POU6F2: variants seen among roughly 807,000 people sequenced by gnomAD.
The protein encoded by POU6F2 is POU class 6 homeobox 2, also known as POU domain, class 6, transcription factor 2.
In POU6F2, 31 loss-of-function variants were observed where a neutral mutation model predicts 71.3. That is an observed-to-expected ratio of 0.43 (90% CI 0.33 to 0.59). The LOEUF is 0.59. Ranked by LOEUF, POU6F2 falls within the 20% of genes least tolerant of loss-of-function variation. POU6F2 has a pLI of 0.04. For synonymous variants in POU6F2, 347 were observed against 355.7 expected, an observed-to-expected ratio of 0.98 and a Z score of 0.27; for missense variants, 783 against 856.8, an observed-to-expected ratio of 0.91 and a Z score of 1.07.
chr7:39,109,944 C>A (rs1272285915), intron 2 of POU6F2, among the ~76,000 whole-genome samples: 1 of 152,126 alleles, frequency 6.6e-6, no homozygotes, highest in Non-Finnish European at 1.5e-5. Context: ...ATTTTGTGAG[C>A]TAATTGTTAA....
chr7:39,311,812 G>A (rs1785171587), intron 4 of POU6F2, among the ~76,000 whole-genome samples: 1 of 152,082 alleles, frequency 6.6e-6, no homozygotes, highest in Non-Finnish European at 1.5e-5. Flanking sequence ...TATCCTGAAA[G>A]TTTTTAAAAA....
chr7:39,171,007 C>T, intron 2 of POU6F2, among the ~76,000 whole-genome samples: 1 of 140,670 alleles, frequency 7.1e-6, no homozygotes. Flanking sequence ...AAATGTAGTT[C>T]ACATATATCT....
intron 1 of POU6F2, among the ~76,000 whole-genome samples, chr7:38,983,301 T>C (rs1788370988): frequency 6.6e-6 from 1 of 152,102 alleles, no homozygotes; most frequent in South Asian, 2.1e-4. Context: ...CTGCTCTATA[T>C]ATAATCTCAA....
At chr7:39,255,000 T>A (rs1783993831) in intron 4 of POU6F2, among the ~76,000 whole-genome samples, 1 of 152,244 alleles carries the variant, frequency 6.6e-6, no homozygotes, top group Non-Finnish European at 1.5e-5. Context: ...AATGGGTAGA[T>A]TTGTAAAATG....
chr7:39,197,979 G>T (rs747342705), intron 2 of POU6F2, among the ~76,000 whole-genome samples: 21 of 152,158 alleles, frequency 1.4e-4, no homozygotes, highest in Non-Finnish European at 2.9e-4. Flanking sequence ...CAGTACTCAA[G>T]GAATAATTTC....
chr7:38,978,474 C>T (rs1027259376), intron 1 of POU6F2, among the ~76,000 whole-genome samples: 2 of 152,068 alleles, frequency 1.3e-5, no homozygotes, highest in African/African-American at 4.8e-5. Context: ...ACTGTGCTCT[C>T]TCCTTCTCTC....
chr7:39,181,830 C>T (rs1191906286), intron 2 of POU6F2, among the ~76,000 whole-genome samples: 4 of 152,200 alleles, frequency 2.6e-5, no homozygotes, highest in Non-Finnish European at 5.9e-5. Context: ...TCATTCTCTT[C>T]TCTTCCAGCC....
At chr7:39,149,100 G>T (rs958634751) in intron 2 of POU6F2, among the ~76,000 whole-genome samples, 2 of 152,192 alleles carry the variant, frequency 1.3e-5, no homozygotes, top group Admixed American at 6.5e-5. Flanking sequence ...AAGGGGTCAA[G>T]GGGTTATCAG....
At chr7:39,037,431 T>C (rs548775194) in intron 1 of POU6F2, among the ~76,000 whole-genome samples, 2 of 152,188 alleles carry the variant, frequency 1.3e-5, no homozygotes, top group Admixed American at 6.5e-5. Context: ...CCAGACAAAC[T>C]GCTCATGAGC....
At chr7:39,313,893 G>T (rs539824738) in intron 4 of POU6F2, among the ~76,000 whole-genome samples, 12 of 152,240 alleles carry the variant, frequency 7.9e-5, no homozygotes, top group Non-Finnish European at 1.5e-4. Flanking sequence ...GAGCTTCCCT[G>T]CCAATGGAGA....
Position 39,300,320 on chromosome 7 carries a change from C to G in POU6F2, c.599-39322C>G, listed in dbSNP as rs369264990. ...ACCATGCAGATAATCAAGGATGTAT[C>G]CAGATCCCCGAAGACCAGGAAGGGA... On this transcript the variant is annotated intron_variant, in intron 4 of 9. Coordinates refer to ENST00000518318, the MANE Select transcript of POU6F2 (RefSeq NM_001370959.1). Among the ~76,000 whole-genome samples the G allele has an allele frequency of 2.6e-4, 40 of 152,238 alleles. No individual in the cohort carries two copies. In the East Asian group the frequency reaches 7.1e-3, roughly 27 times the overall value.
chr7:39,108,124 C>T (rs1030285838), intron 2 of POU6F2, among the ~76,000 whole-genome samples: 2 of 152,148 alleles, frequency 1.3e-5, no homozygotes, highest in Non-Finnish European at 2.9e-5. Flanking sequence ...ATGGGATCCT[C>T]ATCTGTAAGA....
intron 4 of POU6F2, among the ~76,000 whole-genome samples, chr7:39,232,181 A>G (rs187644574): frequency 7.3e-4 from 111 of 152,320 alleles, no homozygotes; most frequent in African/African-American, 2.6e-3. Context: ...AGAAGCAGAT[A>G]AAAATGTATG....
At chr7:39,058,951 A>C (rs1049995243) in intron 1 of POU6F2, among the ~76,000 whole-genome samples, 1 of 152,196 alleles carries the variant, frequency 6.6e-6, no homozygotes, top group Non-Finnish European at 1.5e-5. Context: ...GATTGTATGA[A>C]GATCAAGTGT....
intron 2 of POU6F2, among the ~76,000 whole-genome samples, chr7:39,175,517 A>C (rs865828959): frequency 9.8e-5 from 15 of 152,330 alleles, no homozygotes; most frequent in Non-Finnish European, 1.8e-4. Context: ...CACAGTGCCC[A>C]GGCCATGGTT....
chr7:39,136,051 A>G (rs1212348925), intron 2 of POU6F2, among the ~76,000 whole-genome samples: 1 of 152,232 alleles, frequency 6.6e-6, no homozygotes, highest in Non-Finnish European at 1.5e-5. Context: ...TGACACCTAT[A>G]TGAAGAAAAC....
intron 5 of POU6F2, among the ~76,000 whole-genome samples, chr7:39,396,519 G>T (rs1000089257): frequency 1.3e-5 from 2 of 152,084 alleles, no homozygotes; most frequent in Non-Finnish European, 2.9e-5. Flanking sequence ...ACTCTTCAGC[G>T]TGTCCACAAG....
intron 4 of POU6F2, among the ~76,000 whole-genome samples, chr7:39,221,231 G>A (rs1475535738): frequency 6.6e-6 from 1 of 151,892 alleles, no homozygotes; most frequent in African/African-American, 2.4e-5. Flanking sequence ...TGTAAATTGT[G>A]GACCTTCAAG....
chr7:39,457,305 C>T lies in POU6F2; in HGVS notation c.1490-3242C>T, dbSNP rs567620542. Among the ~76,000 whole-genome samples, 3 of 152,320 alleles carry T rather than the reference C, an allele frequency of 2.0e-5. No homozygotes were observed. The South Asian group carries it at 6.2e-4, about 32-fold the overall frequency. ...ACCCTTCCAGATTAAAGACCTGCCC[C>T]TCACATACTGGTTAATCCAACTGAA... On this transcript the variant is annotated intron_variant, in intron 8 of 9. Coordinates refer to ENST00000518318, the MANE Select transcript of POU6F2 (RefSeq NM_001370959.1).
Sources: allele counts gnomAD v4.1 joint callset (sites outside exome capture counted in the v4.1 genomes callset), GRCh38; gene constraint gnomAD v4.1.1; transcripts MANE v1.5; gene names NCBI Gene and HGNC (gene_info 2026-07-23, HGNC 2026-07-21).